The following CAMK4 variants were observed in gnomAD, a reference collection of about 807,000 sequenced individuals.
CAMK4 encodes calcium/calmodulin dependent protein kinase IV.
In CAMK4, 22 loss-of-function variants were observed where a neutral mutation model predicts 44.9. The ratio of observed to expected loss-of-function variants is 0.49; its 90% CI spans 0.35 to 0.70. CAMK4 has a LOEUF of 0.70. Ranked by LOEUF, CAMK4 falls within the 30% of genes least tolerant of loss-of-function variation. CAMK4 has a pLI of 0.01. For synonymous variants in CAMK4, 218 were observed against 215.4 expected, an observed-to-expected ratio of 1.01 and a Z score of -0.11; for missense variants, 498 against 586.8, an observed-to-expected ratio of 0.85 and a Z score of 1.56.
At chr5:111,299,183 A>C (rs564478093) in intron 1 of CAMK4, among the ~76,000 whole-genome samples, 1 of 152,378 alleles carries the variant, frequency 6.6e-6, no homozygotes, top group South Asian at 2.1e-4. Context: ...CTTCCAGCAC[A>C]GCATGACTTA....
At chr5:111,385,736 G>A (rs1316714159) in intron 4 of CAMK4, among the ~76,000 whole-genome samples, 1 of 152,050 alleles carries the variant, frequency 6.6e-6, no homozygotes, top group Non-Finnish European at 1.5e-5. Context: ...ACCAGGTCCA[G>A]CTAATTTTTT....
chr5:111,385,375 G>A lies in CAMK4; in HGVS notation c.386+8433G>A, dbSNP rs987431082. Among the ~76,000 whole-genome samples, 17 of 152,178 alleles carry A rather than the reference G, an allele frequency of 1.1e-4. 1 individual carries two copies. In the East Asian group the frequency reaches 1.4e-3, roughly 12 times the overall value. On this transcript the variant is annotated intron_variant, in intron 4 of 10. Coordinates refer to ENST00000282356, the MANE Select transcript of CAMK4 (RefSeq NM_001744.6). ...CTCTTATGTGAGAAATTGGAAATTA[G>A]CAGGCAGAGGCCAGAAGGAAGGGCC...
chr5:111,224,350 C>A, upstream of CAMK4: 1 of 1,256,416 alleles, frequency 8.0e-7, no homozygotes, highest in Non-Finnish European at 1.0e-6. This position sits in a 1 kb window ranked among gnomAD's most constrained non-coding sequence, Gnocchi z 5.7. Context: ...CGGGCGGCGG[C>A]GGTGGGCGTG....
At chr5:111,432,792 A>G (rs2112943086) in intron 5 of CAMK4, among the ~76,000 whole-genome samples, 1 of 151,988 alleles carries the variant, frequency 6.6e-6, no homozygotes, top group East Asian at 1.9e-4. Flanking sequence ...TATACCAGAG[A>G]TACTCATTTA....
intron 7 of CAMK4, among the ~76,000 whole-genome samples, chr5:111,470,775 T>G (rs1021640042): frequency 2.0e-5 from 3 of 152,242 alleles, no homozygotes; most frequent in Non-Finnish European, 4.4e-5. Flanking sequence ...CAAATTGTCC[T>G]TGTTTGATAA....
intron 7 of CAMK4, among the ~76,000 whole-genome samples, chr5:111,458,215 C>T (rs1365914717): frequency 6.6e-6 from 1 of 152,132 alleles, no homozygotes; most frequent in African/African-American, 2.4e-5. Flanking sequence ...TGAGTAGTGC[C>T]AGGTAAAGGA....
chr5:111,424,918 C>G (rs943261492), intron 5 of CAMK4, among the ~76,000 whole-genome samples: 7 of 151,970 alleles, frequency 4.6e-5, no homozygotes, highest in Admixed American at 1.3e-4. Flanking sequence ...AATCCCAGCA[C>G]TTTGGGAGGC....
At chr5:111,452,150 G>T (rs549576931) in intron 7 of CAMK4, among the ~76,000 whole-genome samples, 1 of 152,240 alleles carries the variant, frequency 6.6e-6, no homozygotes, top group Non-Finnish European at 1.5e-5. Context: ...GGCATTCTTT[G>T]TCAGTGGGTA....
chr5:111,402,766 A>T (rs912404096), intron 5 of CAMK4, among the ~76,000 whole-genome samples: 1 of 152,012 alleles, frequency 6.6e-6, no homozygotes, highest in Non-Finnish European at 1.5e-5. Flanking sequence ...AAGAAAAGCC[A>T]TTTCTCCTTT....
intron 5 of CAMK4, among the ~76,000 whole-genome samples, chr5:111,404,785 C>A (rs1301308871): frequency 6.6e-6 from 1 of 152,140 alleles, no homozygotes; most frequent in Non-Finnish European, 1.5e-5. Flanking sequence ...CTGGGGTCTC[C>A]TTGGCCAAAA....
In CAMK4 at chr5:111,326,655, T is replaced by C. The variant is rs1748901122; in HGVS notation, c.162-17369T>C. Among the ~76,000 whole-genome samples, 4 of 148,986 alleles carry C rather than the reference T, an allele frequency of 2.7e-5. No homozygotes were observed. In the South Asian group the frequency reaches 8.5e-4, roughly 32 times the overall value. On this transcript the variant is annotated intron_variant, in intron 1 of 10. Transcript: ENST00000282356. Reference sequence around the variant, plus strand: ...AACTAGAAAATATATGCTTTGCGTGTCTCTCTGTGTGTGTGTAAAGCTATA... The same window carrying C: ...AACTAGAAAATATATGCTTTGCGTGCCTCTCTGTGTGTGTGTAAAGCTATA...
chr5:111,326,543 A>G (rs1380900343), intron 1 of CAMK4, among the ~76,000 whole-genome samples: 3 of 151,884 alleles, frequency 2.0e-5, no homozygotes, highest in Non-Finnish European at 2.9e-5. Flanking sequence ...CCAGTATTAC[A>G]CAATCTTTTG....
At chr5:111,323,662 A>G (rs1037597796) in intron 1 of CAMK4, among the ~76,000 whole-genome samples, 3 of 152,130 alleles carry the variant, frequency 2.0e-5, no homozygotes, top group African/African-American at 7.2e-5. Flanking sequence ...TATCTTGTTA[A>G]AATATGTCTC....
intron 1 of CAMK4, among the ~76,000 whole-genome samples, chr5:111,246,744 A>G (rs946038920): frequency 5.3e-5 from 8 of 152,198 alleles, no homozygotes; most frequent in African/African-American, 1.9e-4. Context: ...GGCCCAGATT[A>G]CCACCACACC....
chr5:111,301,729 G>A (rs959920538), intron 1 of CAMK4, among the ~76,000 whole-genome samples: 1 of 152,094 alleles, frequency 6.6e-6, no homozygotes, highest in African/African-American at 2.4e-5. Flanking sequence ...ATCATTTTGG[G>A]AATCCTGTTT....
At chr5:111,338,777 TGGCTTTATTTCTG>T (rs962551425) in intron 1 of CAMK4, among the ~76,000 whole-genome samples, 1 of 151,474 alleles carries the variant, frequency 6.6e-6, no homozygotes, top group African/African-American at 2.4e-5. Context: ...TGTAGGTGTG[TGGCTTTATTTCTG>T]GGTTCTATAT....
chr5:111,223,689 T>G (rs976269692), upstream of CAMK4: 1 of 152,386 alleles, frequency 6.6e-6, no homozygotes, highest in African/African-American at 2.4e-5. The surrounding 1 kb of genome is among the most constrained non-coding windows in gnomAD (Gnocchi z 4.3). Flanking sequence ...TTATTCCAAC[T>G]GAAGACTTCA....
At chr5:111,279,740 G>C (rs1750927453) in intron 1 of CAMK4, among the ~76,000 whole-genome samples, 1 of 152,060 alleles carries the variant, frequency 6.6e-6, no homozygotes, top group Non-Finnish European at 1.5e-5. Context: ...GTATGTGCCT[G>C]CTGTGTATGT....
chr5:111,370,479 G>A (rs1750962637), intron 2 of CAMK4, among the ~76,000 whole-genome samples: 1 of 152,100 alleles, frequency 6.6e-6, no homozygotes, highest in Admixed American at 6.6e-5. Flanking sequence ...GGGTGTGGGA[G>A]TGGGAGAAAC....
Sources: allele counts gnomAD v4.1 joint callset (sites outside exome capture counted in the v4.1 genomes callset), GRCh38; gene constraint gnomAD v4.1.1; non-coding constraint Gnocchi (gnomAD v3.1); transcripts MANE v1.5; gene names NCBI Gene and HGNC (gene_info 2026-07-23, HGNC 2026-07-21).